The following TNNI3 variants were observed in gnomAD, a reference collection of about 807,000 sequenced individuals.
TNNI3 encodes the protein troponin I3, cardiac type, also known as troponin I, cardiac muscle.
A neutral mutation model predicts 31.5 loss-of-function variants in TNNI3; 23 were observed. The ratio of observed to expected loss-of-function variants is 0.73; its 90% CI spans 0.52 to 1.03. TNNI3 has a LOEUF of 1.03. Ranked by LOEUF, TNNI3 falls within the 50% of genes least tolerant of loss-of-function variation. The pLI is 0.00. For missense variants in TNNI3, 236 were observed against 282.9 expected (o/e 0.83, Z 1.19); for synonymous variants, 120 against 111.7 (o/e 1.07, Z -0.47).
Position 55,157,666 on chromosome 19 carries a change from G to T in TNNI3, c.-77C>A, listed in dbSNP as rs181036338. The T allele has an allele frequency of 4.4e-6, 7 of 1,578,682 alleles. No homozygotes were observed. Among genetic ancestry groups the T allele is most frequent in the Admixed American group, 1.7e-5 (1 of 59,362 alleles). ...TGGAGGGTCAGTGAGGGGGCCGCCCGGGTGACCTTCAGGGTCCCAGGGACC... is the reference window on the plus strand; with the variant it reads ...TGGAGGGTCAGTGAGGGGGCCGCCCTGGTGACCTTCAGGGTCCCAGGGACC... On this transcript the variant is annotated 5_prime_UTR_variant, in exon 1 of 8. Transcript: ENST00000344887. The surrounding 1 kb of genome is among the most constrained non-coding windows in gnomAD (Gnocchi z 6.3).
chr19:55,156,584 C>A lies in TNNI3; in HGVS notation c.150+19G>T. ...CCCTGAGCACCTGCCTGCTCTTTCCCAGTCCCGCCCGTCCTCACCTTCAGC... is the reference window on the plus strand; with the variant it reads ...CCCTGAGCACCTGCCTGCTCTTTCCAAGTCCCGCCCGTCCTCACCTTCAGC... On this transcript the variant is annotated intron_variant, in intron 4 of 7. Transcript: ENST00000344887. The surrounding 1 kb of genome is among the most constrained non-coding windows in gnomAD (Gnocchi z 4.6). 1 of 1,558,932 alleles carries A rather than the reference C, an allele frequency of 6.4e-7. No individual in the cohort carries two copies. Among genetic ancestry groups the A allele is most frequent in the East Asian group, 2.4e-5 (1 of 41,780 alleles).
rs1041089696 is a variant in TNNI3 at position 55,151,980 on chromosome 19, CCT to C, written c.550-65_550-64del. On this transcript the variant is annotated intron_variant, in intron 7 of 7. Coordinates refer to ENST00000344887, the MANE Select transcript of TNNI3 (RefSeq NM_000363.5). The stretch of plus-strand genomic sequence containing the variant: ...CTTGGTCTCCAGTCTCTCAAGAATC[CCT>C]GTCTTCCCTCCAGCCTGTGGGGCCA... The C allele has an allele frequency of 9.1e-5, 135 of 1,487,054 alleles. No homozygotes were observed. The African/African-American group carries it at 1.7e-3, about 19-fold the overall frequency. 92.1% of individuals were successfully genotyped at this position (1,487,054 alleles called of 1,614,324 possible).
At position 55,156,997 on chromosome 19, in the gene TNNI3, G is replaced by A; in HGVS notation, c.108+53C>T. 5 of 1,536,168 alleles carry A rather than the reference G, an allele frequency of 3.3e-6. No homozygotes were observed. The highest frequency in any genetic ancestry group is 4.4e-6 in the Non-Finnish European group (5 of 1,140,402). On this transcript the variant is annotated intron_variant, in intron 3 of 7. Coordinates refer to ENST00000344887, the MANE Select transcript of TNNI3 (RefSeq NM_000363.5). The surrounding 1 kb of genome is among the most constrained non-coding windows in gnomAD (Gnocchi z 4.6). Reference sequence around the variant, plus strand: ...CCCTGGCTCCTCCCCCCACTCCCAGGGTCTTGGATCCCTCCGGCGCCTGTA... The same window carrying A: ...CCCTGGCTCCTCCCCCCACTCCCAGAGTCTTGGATCCCTCCGGCGCCTGTA...
chr19:55,156,196 G>C lies in TNNI3; in HGVS notation c.282+5C>G, dbSNP rs770260866. The stretch of plus-strand genomic sequence containing the variant: ...TAGAAACCTCGCATCCTTGGGAGCC[G>C]GTACCTGCAGCTCCGCGAAGCCCAG... On this transcript the variant is annotated splice_donor_5th_base_variant and intron_variant, in intron 5 of 7. Transcript: ENST00000344887. The surrounding 1 kb of genome is among the most constrained non-coding windows in gnomAD (Gnocchi z 4.6). 5 of 1,612,600 alleles carry C rather than the reference G, an allele frequency of 3.1e-6. No individual in the cohort carries two copies. In the African/African-American group the frequency reaches 5.3e-5, roughly 17 times the overall value.
Position 55,157,315 on chromosome 19 carries a change from G to A in TNNI3, c.12-7C>T. 1.9e-6 allele frequency: 3 copies of A among 1,611,436 alleles called. No individual in the cohort carries two copies. In the East Asian group the frequency reaches 6.7e-5, roughly 36 times the overall value. ...TCTCACCGCATCGCTGCTCCTGGAA[G>A]GAGAGAAACCAAGGAGGGGGGTTAG... On this transcript the variant is annotated splice_region_variant and splice_polypyrimidine_tract_variant and intron_variant, in intron 1 of 7. Coordinates refer to ENST00000344887, the MANE Select transcript of TNNI3 (RefSeq NM_000363.5). This position sits in a 1 kb window ranked among gnomAD's most constrained non-coding sequence, Gnocchi z 6.3.
At chr19:55,154,958 C>T in intron 5 of TNNI3, 128 bp from the exon 6 acceptor site, 1 of 714,558 alleles carries the variant, frequency 1.4e-6, no homozygotes, top group Non-Finnish European at 2.4e-6. Context: ...GGGCTGGGGG[C>T]CTGGACTCCT....
rs397516355 is a variant in TNNI3 at position 55,154,035 on chromosome 19, C to A, written c.544G>T (p.Glu182Ter). 1 of 1,611,798 alleles carries A rather than the reference C, an allele frequency of 6.2e-7. No individual in the cohort carries two copies. The highest frequency in any genetic ancestry group is 8.5e-7 in the Non-Finnish European group (1 of 1,179,970). The change falls in exon 7 of 8, where the codon GAG (glutamate) becomes TAG (stop). Residue 182 changes from glutamate to a stop codon, truncating the protein, a stop_gained. Coordinates refer to ENST00000344887, the MANE Select transcript of TNNI3 (RefSeq NM_000363.5). LOFTEE classifies it high-confidence loss of function. ...HLKQVKKEDT[E>*]KENREVGDWR... ...TGGCCTTAGCCCACACTCACCTTCT[C>A]GGTGTCCTCCTTCTTCACCTGCTTG... is the stretch of plus-strand genomic sequence containing the variant.
intron 7 of TNNI3, among the ~76,000 whole-genome samples, chr19:55,153,606 G>C (rs569754691): frequency 4.0e-4 from 61 of 151,624 alleles, no homozygotes; most frequent in African/African-American, 1.3e-3. Context: ...TACTCGGGAG[G>C]CTGAGGCATG....
chr19:55,154,658 G>C (rs2085715456), intron 6 of TNNI3, 83 bp downstream of exon 6: 1 of 1,219,630 alleles, frequency 8.2e-7, no homozygotes, highest in Non-Finnish European at 1.2e-6. Context: ...GCAGCCAAAA[G>C]CAGCTGCAAG....
rs2085736370 is a variant in TNNI3, at chr19:55,156,960, C to T, written c.108+90G>A. 6 of 1,411,668 alleles carry T rather than the reference C, an allele frequency of 4.3e-6. No homozygotes were observed. In the East Asian group the frequency reaches 1.5e-4, roughly 35 times the overall value. 87.4% of individuals were successfully genotyped at this position (1,411,668 alleles called of 1,614,324 possible). The stretch of plus-strand genomic sequence containing the variant: ...CTGAAGCCCCTCCGCGTAGTCCCCG[C>T]CCCCTTCGCAGCCCTGGCTCCTCCC... On this transcript the variant is annotated intron_variant, in intron 3 of 7. Coordinates refer to ENST00000344887, the MANE Select transcript of TNNI3 (RefSeq NM_000363.5). The surrounding 1 kb of genome is among the most constrained non-coding windows in gnomAD (Gnocchi z 4.6).
rs779892594 is a variant in TNNI3 at position 55,154,801 on chromosome 19, C to T, written c.312G>A (p.Val104=). The part of the protein sequence containing the change: ...QDLCRQLHAR[V]DKVDEERYDI... The stretch of plus-strand genomic sequence containing the variant: ...CGTATCTCTCTTCATCCACCTTGTC[C>T]ACACGGGCGTGGAGCTGTCGGCACA... The change falls in exon 6 of 8, where the codon GTG becomes GTA. Residue 104 remains valine, a synonymous_variant. Coordinates refer to ENST00000344887, the MANE Select transcript of TNNI3 (RefSeq NM_000363.5). 1 of 1,614,186 alleles carries T rather than the reference C, an allele frequency of 6.2e-7. No homozygotes were observed.
Position 55,156,374 on chromosome 19 carries a change from C to T in TNNI3, c.151-42G>A. The T allele has an allele frequency of 6.3e-7, 1 of 1,592,942 alleles. No homozygotes were observed. Among genetic ancestry groups the T allele is most frequent in the Non-Finnish European group, 8.5e-7 (1 of 1,170,388 alleles). ...GGGAAGCGCAGCCCACCCGGGGCTT[C>T]AGGATAAAGACCAGGCGTGGGGAAC... On this transcript the variant is annotated intron_variant, in intron 4 of 7. Transcript: ENST00000344887. The surrounding 1 kb of genome is among the most constrained non-coding windows in gnomAD (Gnocchi z 4.6).
In TNNI3 at chr19:55,154,219, GA is replaced by G. The variant is rs1472113441; in HGVS notation, c.373-14del. 3.7e-6 allele frequency: 6 copies of G among 1,609,712 alleles called. No homozygotes were observed. Among genetic ancestry groups the G allele is most frequent in the Non-Finnish European group, 5.1e-6 (6 of 1,179,860 alleles). On this transcript the variant is annotated splice_polypyrimidine_tract_variant and intron_variant, in intron 6 of 7. Transcript: ENST00000344887. The stretch of plus-strand genomic sequence containing the variant: ...TCAGATCTGCAATCTGGGGGCACAC[GA>G]GGGGGTGGGTACTTCTCCTTCCATT...
In TNNI3 at chr19:55,152,747, T is replaced by A. The variant is rs1419083490; in HGVS notation, c.550-830A>T. Reference sequence around the variant, plus strand: ...CTCAAGCCATCCTCTCACCTCAGACTCCTGAGGAGCTGGGACCACAGGTGT... The same window carrying A: ...CTCAAGCCATCCTCTCACCTCAGACACCTGAGGAGCTGGGACCACAGGTGT... On this transcript the variant is annotated intron_variant, in intron 7 of 7. Coordinates refer to ENST00000344887, the MANE Select transcript of TNNI3 (RefSeq NM_000363.5). This position sits in a 1 kb window ranked among gnomAD's most constrained non-coding sequence, Gnocchi z 4.0. Among the ~76,000 whole-genome samples, 1 of 152,162 alleles carries A rather than the reference T, an allele frequency of 6.6e-6. No individual in the cohort carries two copies. Among genetic ancestry groups the A allele is most frequent in the Non-Finnish European group, 1.5e-5 (1 of 68,018 alleles).
intron 5 of TNNI3, among the ~76,000 whole-genome samples, chr19:55,155,325 G>A (rs1282177878): frequency 1.5e-5 from 1 of 67,416 alleles, no homozygotes; most frequent in African/African-American, 8.2e-5. Flanking sequence ...CTGGGGCCTG[G>A]ACTCCAGGGT....
At position 55,157,335 on chromosome 19, in the gene TNNI3, G is replaced by A. The variant is rs762194779; in HGVS notation, c.12-27C>T. ...TGGAAGGAGAGAAACCAAGGAGGGG[G>A]GTTAGTGGTGGGCTGTGTCCTGTCT... On this transcript the variant is annotated intron_variant, in intron 1 of 7. Coordinates refer to ENST00000344887, the MANE Select transcript of TNNI3 (RefSeq NM_000363.5). The surrounding 1 kb of genome is among the most constrained non-coding windows in gnomAD (Gnocchi z 6.3). 10 of 1,601,366 alleles carry A rather than the reference G, an allele frequency of 6.2e-6. No individual in the cohort carries two copies. In the African/African-American group the frequency reaches 1.0e-4, roughly 17 times the overall value.
intron 6 of TNNI3, 106 bp from the exon 7 acceptor site, chr19:55,154,312 G>T (rs766025507): frequency 8.0e-7 from 1 of 1,245,048 alleles, no homozygotes; most frequent in African/African-American, 1.5e-5. Context: ...TTCCAGTACC[G>T]AGGCCTTACC....
Position 55,157,124 on chromosome 19 carries a change from G to A in TNNI3, c.34C>T (p.Pro12Ser), listed in dbSNP as rs553214254. The change falls in exon 3 of 8, where the codon CCT (proline) becomes TCT (serine). Residue 12 changes from proline (P) to serine (S), a missense_variant. By Grantham distance (74) the Pro-to-Ser change is moderately conservative. Transcript: ENST00000344887. The surrounding 1 kb of genome is among the most constrained non-coding windows in gnomAD (Gnocchi z 6.3). ...ADGSSDAARE[P>S]RPAPAPIRRR... ...CTGATTGGGGCTGGTGCAGGGCGAGGTTCCCTAGCCTGGGTTAGGAGGAGT... is the reference window on the plus strand; with the variant it reads ...CTGATTGGGGCTGGTGCAGGGCGAGATTCCCTAGCCTGGGTTAGGAGGAGT... 10 of 1,601,724 alleles carry A rather than the reference G, an allele frequency of 6.2e-6. No homozygotes were observed. The East Asian group carries it at 2.0e-4, about 32-fold the overall frequency.
Position 55,151,990 on chromosome 19 carries a change from CT to C in TNNI3, c.550-74del, listed in dbSNP as rs2085697983. ...AGTCTCTCAAGAATCCCTGTCTTCC[CT>C]CCAGCCTGTGGGGCCACTCTACCCT... On this transcript the variant is annotated intron_variant, in intron 7 of 7. Transcript: ENST00000344887. 21 of 1,444,548 alleles carry C rather than the reference CT, an allele frequency of 1.5e-5. No homozygotes were observed. In the South Asian group the frequency reaches 1.9e-4, roughly 13 times the overall value. The allele number at this position is 1,444,548 out of a possible 1,614,324, so 89.5% of individuals were successfully genotyped here.
Sources: gnomAD v4.1 joint callset for allele counts (sites outside exome capture counted in the v4.1 genomes callset) on GRCh38, gnomAD v4.1.1 for gene constraint, Gnocchi (gnomAD v3.1) non-coding constraint, MANE v1.5 for transcripts, NCBI Gene and HGNC (gene_info 2026-07-23, HGNC 2026-07-21) for gene names.